RIT2: variants seen among roughly 807,000 people sequenced by gnomAD.
The protein encoded by RIT2 is GTP-binding protein Rit2.
RIT2 carries 24 observed loss-of-function variants against 23.7 expected under a neutral mutation model. The observed-to-expected ratio is 1.01, with a 90% CI of 0.73 to 1.43. The LOEUF is 1.43. Among genes scored for constraint, RIT2 ranks in the 40% most tolerant of loss-of-function variants. The pLI, the probability that RIT2 is intolerant of heterozygous loss-of-function variation, is 0.00. For missense variants in RIT2, 236 were observed against 266.9 expected (o/e 0.88, Z 0.81); for synonymous variants, 107 against 91.1 (o/e 1.17, Z -0.99).
intron 1 of RIT2, among the ~76,000 whole-genome samples, chr18:43,113,867 A>G (rs1358053675): frequency 6.6e-6 from 1 of 151,940 alleles, no homozygotes; most frequent in Non-Finnish European, 1.5e-5. Flanking sequence ...TTTAATGTGG[A>G]TTGGTCTTTT....
intron 3 of RIT2, among the ~76,000 whole-genome samples, chr18:42,938,490 T>C (rs1442738724): frequency 6.6e-6 from 1 of 152,174 alleles, no homozygotes; most frequent in Admixed American, 6.5e-5. Flanking sequence ...CCTTTCCTCC[T>C]CTTCCCTAAA....
At chr18:42,754,085 T>C (rs1913107480) in intron 4 of RIT2, among the ~76,000 whole-genome samples, 1 of 152,130 alleles carries the variant, frequency 6.6e-6, no homozygotes, top group Non-Finnish European at 1.5e-5. Flanking sequence ...CCCAATTATC[T>C]TTTTTAGATG....
At chr18:42,980,424 T>C (rs944626493) in intron 2 of RIT2, among the ~76,000 whole-genome samples, 6 of 152,164 alleles carry the variant, frequency 3.9e-5, no homozygotes, top group Admixed American at 1.3e-4. Flanking sequence ...TCTATTTATA[T>C]AGATGGAATC....
intron 2 of RIT2, among the ~76,000 whole-genome samples, chr18:42,977,373 G>A (rs1910498982): frequency 6.6e-6 from 1 of 151,966 alleles, no homozygotes; most frequent in African/African-American, 2.4e-5. Flanking sequence ...TATATTATAA[G>A]CAAAAAGCAA....
rs1294700595 is a variant in RIT2 at position 42,902,673 on chromosome 18, GA to G, written c.426+20898del. Among the ~76,000 whole-genome samples the G allele has an allele frequency of 2.7e-5, 4 of 150,724 alleles. No individual in the cohort carries two copies. The East Asian group carries it at 7.8e-4, about 29-fold the overall frequency. ...GTTTGTCAAGATAAAAACACCTTCA[GA>G]AAAAAAATAAATATGTTTGTGGAAA... On this transcript the variant is annotated intron_variant, in intron 4 of 4. Coordinates refer to ENST00000326695, the MANE Select transcript of RIT2 (RefSeq NM_002930.4).
chr18:42,947,080 C>G (rs2144166995), intron 3 of RIT2, among the ~76,000 whole-genome samples: 1 of 152,110 alleles, frequency 6.6e-6, no homozygotes, highest in Admixed American at 6.6e-5. Flanking sequence ...TATAGAATTT[C>G]CAACTAAGCA....
At chr18:42,945,007 T>C (rs1645788427) in intron 3 of RIT2, among the ~76,000 whole-genome samples, 1 of 152,112 alleles carries the variant, frequency 6.6e-6, no homozygotes, top group Non-Finnish European at 1.5e-5. Context: ...GTGATTATTT[T>C]AATTATTGCA....
In RIT2 at chr18:42,827,013, T is replaced by C. The variant is rs113618272; in HGVS notation, c.427-83293A>G. 5.0e-3 allele frequency among the ~76,000 whole-genome samples: 755 copies of C among 152,254 alleles called. 8 individuals are homozygous for C. Among genetic ancestry groups the C allele is most frequent in the African/African-American group, 0.017 (718 of 41,562 alleles). On this transcript the variant is annotated intron_variant, in intron 4 of 4. Transcript: ENST00000326695. ...TTACTTAAAATATATGTCAGTTCTC[T>C]AAATTCATATGGAAAAGTCCAAAAA...
At chr18:42,831,086 T>A (rs1014966726) in intron 4 of RIT2, among the ~76,000 whole-genome samples, 2 of 152,234 alleles carry the variant, frequency 1.3e-5, no homozygotes, top group African/African-American at 2.4e-5. Flanking sequence ...ATTTTAAAAT[T>A]ACTTTTGCCT....
chr18:42,873,644 T>A (rs1163223040), intron 4 of RIT2, among the ~76,000 whole-genome samples: 1 of 152,038 alleles, frequency 6.6e-6, no homozygotes, highest in Non-Finnish European at 1.5e-5. Flanking sequence ...AAGATGAGAA[T>A]ACATTAACAC....
At chr18:43,015,595 G>A (rs1161742927) in intron 2 of RIT2, among the ~76,000 whole-genome samples, 2 of 151,706 alleles carry the variant, frequency 1.3e-5, no homozygotes, top group East Asian at 3.9e-4. Flanking sequence ...ATTGTCTGGA[G>A]AAAGAACCTT....
intron 1 of RIT2, among the ~76,000 whole-genome samples, chr18:43,054,595 G>A (rs971969803): frequency 2.6e-5 from 4 of 151,976 alleles, no homozygotes; most frequent in Non-Finnish European, 4.4e-5. Context: ...CTTAGGATAC[G>A]CTGGGTAAAA....
chr18:43,036,801 T>C (rs1166159729), intron 1 of RIT2, among the ~76,000 whole-genome samples: 1 of 152,178 alleles, frequency 6.6e-6, no homozygotes, highest in Non-Finnish European at 1.5e-5. Flanking sequence ...TTTTACAAAG[T>C]GGATCCCCTA....
At chr18:42,790,398 T>A (rs1223152966) in intron 4 of RIT2, among the ~76,000 whole-genome samples, 2 of 152,176 alleles carry the variant, frequency 1.3e-5, no homozygotes, top group East Asian at 3.8e-4. Flanking sequence ...AAAAAAACAT[T>A]GGATGAGAAG....
At chr18:43,109,092 A>C (rs1437725393) in intron 1 of RIT2, among the ~76,000 whole-genome samples, 2 of 152,194 alleles carry the variant, frequency 1.3e-5, no homozygotes, top group Admixed American at 1.3e-4. Flanking sequence ...TAATTCACTG[A>C]GGTGGAAGGA....
intron 4 of RIT2, among the ~76,000 whole-genome samples, chr18:42,913,186 C>A (rs1908814756): frequency 2.8e-5 from 4 of 141,764 alleles, no homozygotes; most frequent in East Asian, 2.0e-4. Context: ...AGCAATTAAC[C>A]ATCCATCAGC....
At chr18:43,029,271 A>T (rs1040938799) in intron 2 of RIT2, among the ~76,000 whole-genome samples, 4 of 152,064 alleles carry the variant, frequency 2.6e-5, no homozygotes, top group African/African-American at 9.7e-5. Context: ...CTAAAAGAGG[A>T]AAAGCATTCT....
intron 1 of RIT2, among the ~76,000 whole-genome samples, chr18:43,069,280 C>A (rs1043692150): frequency 1.3e-5 from 2 of 152,020 alleles, no homozygotes; most frequent in Admixed American, 1.3e-4. Context: ...CTATTGGGAA[C>A]GCCCTACTCT....
At chr18:42,940,089 T>C (rs1909558584) in intron 3 of RIT2, among the ~76,000 whole-genome samples, 1 of 151,468 alleles carries the variant, frequency 6.6e-6, no homozygotes, top group Non-Finnish European at 1.5e-5. Flanking sequence ...GAAAGATACA[T>C]TTTATGCCCC....
Sources: gnomAD v4.1 joint callset for allele counts (sites outside exome capture counted in the v4.1 genomes callset) on GRCh38, gnomAD v4.1.1 for gene constraint, MANE v1.5 for transcripts, NCBI Gene and HGNC (gene_info 2026-07-23, HGNC 2026-07-21) for gene names.